Variants in MAL observed in about 807,000 individuals in gnomAD.
The protein encoded by MAL is myelin and lymphocyte protein.
MAL carries 5 observed loss-of-function variants against 16.7 expected under a neutral mutation model. The ratio of observed to expected loss-of-function variants is 0.30; its 90% CI spans 0.16 to 0.63. The LOEUF is 0.63. Among genes scored for constraint, MAL ranks in the 30% least tolerant of loss-of-function variants. The pLI, the probability that MAL is intolerant of heterozygous loss-of-function variation, is 0.82. For synonymous variants in MAL, 96 were observed against 85.5 expected, an observed-to-expected ratio of 1.12 and a Z score of -0.67; for missense variants, 202 against 195.8, an observed-to-expected ratio of 1.03 and a Z score of -0.19.
At chr2:95,039,240 CTGAG>C (rs1160381204) in intron 1 of MAL, among the ~76,000 whole-genome samples, 16 of 67,236 alleles carry the variant, frequency 2.4e-4, no homozygotes, top group Non-Finnish European at 4.9e-4. Flanking sequence ...GACTGAGTGA[CTGAG>C]TGAGTAAGTG....
At chr2:95,034,278 G>A (rs1441006204) in intron 1 of MAL, among the ~76,000 whole-genome samples, 1 of 152,190 alleles carries the variant, frequency 6.6e-6, no homozygotes, top group Non-Finnish European at 1.5e-5. Flanking sequence ...TGAGGGCAGA[G>A]GTCAGTGTGT....
At chr2:95,027,825 C>T (rs1356290703) in intron 1 of MAL, among the ~76,000 whole-genome samples, 1 of 152,190 alleles carries the variant, frequency 6.6e-6, no homozygotes, top group Non-Finnish European at 1.5e-5. Flanking sequence ...CATTCTCCTG[C>T]CTCAGCCTCC....
chr2:95,043,889 G>A (rs189332539), intron 1 of MAL, among the ~76,000 whole-genome samples: 4 of 152,314 alleles, frequency 2.6e-5, no homozygotes, highest in Non-Finnish European at 5.9e-5. Context: ...CTTTCATGAT[G>A]TCATCTGTGC....
At chr2:95,043,844 G>A (rs1274155581) in intron 1 of MAL, among the ~76,000 whole-genome samples, 1 of 152,172 alleles carries the variant, frequency 6.6e-6, no homozygotes, top group Non-Finnish European at 1.5e-5. Context: ...AAGGTCGACC[G>A]CCCCACTGCC....
intron 1 of MAL, among the ~76,000 whole-genome samples, chr2:95,046,532 C>A (rs530919416): frequency 6.6e-6 from 1 of 152,266 alleles, no homozygotes; most frequent in East Asian, 1.9e-4. Flanking sequence ...CGGTGGGGAG[C>A]GGGTTTGTAT....
chr2:95,028,576 C>A (rs1345827290), intron 1 of MAL, among the ~76,000 whole-genome samples: 4 of 152,058 alleles, frequency 2.6e-5, no homozygotes, highest in African/African-American at 9.7e-5. Flanking sequence ...GGTATATAAC[C>A]AAAGGATTCC....
intron 1 of MAL, among the ~76,000 whole-genome samples, chr2:95,031,135 A>G (rs1674067959): frequency 6.6e-6 from 1 of 152,150 alleles, no homozygotes; most frequent in Non-Finnish European, 1.5e-5. Flanking sequence ...ACAGGGAGCA[A>G]CTTGCCTGGG....
At chr2:95,030,088 G>T (rs1674041447) in intron 1 of MAL, among the ~76,000 whole-genome samples, 2 of 152,152 alleles carry the variant, frequency 1.3e-5, no homozygotes, top group Admixed American at 1.3e-4. Context: ...ATGGTGAGGG[G>T]ACTGCCCACT....
At chr2:95,053,162 A>T in intron 3 of MAL, 1 of 493,564 alleles carries the variant, frequency 2.0e-6, no homozygotes, top group South Asian at 4.2e-5. Flanking sequence ...TCCACACCAG[A>T]TCCAGGAGAC....
In MAL at chr2:95,035,619, C is replaced by T. The variant is rs1294513817; in HGVS notation, c.93+9734C>T. 2.6e-5 allele frequency among the ~76,000 whole-genome samples: 4 copies of T among 151,950 alleles called. No homozygotes were observed. In the South Asian group the frequency reaches 6.2e-4, roughly 24 times the overall value. ...GCCTGAACAGGGGGCTCTTCCCAGT[C>T]CAACTTGCCTTGTTAATATAAACTA... On this transcript the variant is annotated intron_variant, in intron 1 of 3. Coordinates refer to ENST00000309988, the MANE Select transcript of MAL (RefSeq NM_002371.4).
Position 95,049,705 on chromosome 2 carries a change from T to C in MAL, c.386T>C (p.Val129Ala). 1 of 1,614,126 alleles carries C rather than the reference T, an allele frequency of 6.2e-7. No individual in the cohort carries two copies. The highest frequency in any genetic ancestry group is 8.5e-7 in the Non-Finnish European group (1 of 1,180,006). Reference sequence around the variant, plus strand: ...CACTACCATGAAAACATTGCTGCCGTGGTGAGTCCGGGCACCTGGGGCTGT... The same window carrying C: ...CACTACCATGAAAACATTGCTGCCGCGGTGAGTCCGGGCACCTGGGGCTGT... ...YRHYHENIAAVVFSYIATLLY... is the reference protein window; with the variant it reads ...YRHYHENIAAAVFSYIATLLY... Residue 129 changes from valine (V) to alanine (A), a missense_variant and splice_region_variant, in exon 3 of 4, where the codon GTG becomes GCG. Transcript: ENST00000309988.
intron 1 of MAL, among the ~76,000 whole-genome samples, chr2:95,037,530 G>C (rs1216600732): frequency 4.7e-5 from 7 of 149,646 alleles, no homozygotes; most frequent in African/African-American, 1.7e-4. Context: ...GTGAGCAAGC[G>C]AGTGAGTGAC....
intron 3 of MAL, chr2:95,051,338 G>A (rs1674710379): frequency 6.6e-6 from 1 of 152,166 alleles, no homozygotes; most frequent in Admixed American, 6.6e-5. Context: ...AATTCTCATA[G>A]AGCAAACTCC....
intron 1 of MAL, among the ~76,000 whole-genome samples, chr2:95,034,626 C>T (rs964143544): frequency 7.9e-5 from 12 of 152,174 alleles, no homozygotes; most frequent in African/African-American, 2.2e-4. Context: ...CAGCCTCCAT[C>T]CTGGCCCCCA....
chr2:95,052,476 A>G (rs1674740788), intron 3 of MAL, among the ~76,000 whole-genome samples: 1 of 152,358 alleles, frequency 6.6e-6, no homozygotes. Flanking sequence ...AATGAGGGAA[A>G]GGGCTTGGCC....
intron 2 of MAL, among the ~76,000 whole-genome samples, chr2:95,049,140 A>C (rs1674655928): frequency 6.6e-6 from 1 of 152,152 alleles, no homozygotes; most frequent in African/African-American, 2.4e-5. Context: ...TAAATATACC[A>C]GGGGCCAAAA....
At chr2:95,029,799 T>C (rs1180891343) in intron 1 of MAL, among the ~76,000 whole-genome samples, 1 of 152,206 alleles carries the variant, frequency 6.6e-6, no homozygotes, top group Non-Finnish European at 1.5e-5. Context: ...TGTATTCTCT[T>C]ATAAAGATGG....
At chr2:95,039,681 T>TGACTGAGTGAGTGAG (rs1674394573) in intron 1 of MAL, among the ~76,000 whole-genome samples, 3 of 145,848 alleles carry the variant, frequency 2.1e-5, no homozygotes, top group Admixed American at 2.0e-4. Flanking sequence ...ACTGAGTGAG[T>TGACTGAGTGAGTGAG]GACTGAGTGA....
chr2:95,032,110 AC>A (rs1264097113), intron 1 of MAL, among the ~76,000 whole-genome samples: 1 of 152,192 alleles, frequency 6.6e-6, no homozygotes, highest in East Asian at 1.9e-4. Context: ...GTGCAAAGGC[AC>A]CCTTTCTGTC....
Sources: gnomAD v4.1 joint callset for allele counts (sites outside exome capture counted in the v4.1 genomes callset) on GRCh38, gnomAD v4.1.1 for gene constraint, MANE v1.5 for transcripts, NCBI Gene and HGNC (gene_info 2026-07-23, HGNC 2026-07-21) for gene names.